The following DPP4 variants were observed in gnomAD, a reference collection of about 807,000 sequenced individuals.
DPP4 encodes ADCP-2.
A neutral mutation model predicts 122.4 loss-of-function variants in DPP4; 93 were observed. The ratio of observed to expected loss-of-function variants is 0.76; its 90% CI spans 0.64 to 0.90. DPP4 has a LOEUF of 0.90. DPP4 is among the 40% of genes least tolerant of loss of function. The pLI, the probability that DPP4 is intolerant of heterozygous loss-of-function variation, is 0.00. For missense variants in DPP4, 914 were observed against 907.3 expected, an observed-to-expected ratio of 1.01 and a Z score of -0.09; for synonymous variants, 321 against 302.9, an observed-to-expected ratio of 1.06 and a Z score of -0.62.
At chr2:162,016,890 G>T in intron 17 of DPP4, 24 bp from the exon 18 acceptor site, 1 of 1,586,734 alleles carries the variant, frequency 6.3e-7, no homozygotes, top group Non-Finnish European at 8.6e-7. Context: ...GGAGACAGCA[G>T]TCATTCATTA....
intron 2 of DPP4, among the ~76,000 whole-genome samples, chr2:162,050,813 G>A (rs572177059): frequency 2.0e-5 from 3 of 152,324 alleles, no homozygotes; most frequent in Non-Finnish European, 2.9e-5. Context: ...TGGCTGCCAA[G>A]TTACAACCTA....
intron 20 of DPP4, among the ~76,000 whole-genome samples, chr2:162,010,792 TCAGGAATCC>T (rs1682675415): frequency 6.6e-6 from 1 of 152,184 alleles, no homozygotes; most frequent in Non-Finnish European, 1.5e-5. Context: ...ATTTCTTTCC[TCAGGAATCC>T]TTAATCAATT....
At chr2:162,001,499 C>T (rs1160395695) in intron 23 of DPP4, among the ~76,000 whole-genome samples, 2 of 152,202 alleles carry the variant, frequency 1.3e-5, no homozygotes, top group Non-Finnish European at 2.9e-5. Context: ...TTATTACCTA[C>T]TCTCTTTTAT....
intron 2 of DPP4, among the ~76,000 whole-genome samples, chr2:162,051,100 T>G (rs1266026804): frequency 6.6e-6 from 1 of 152,218 alleles, no homozygotes; most frequent in Admixed American, 6.5e-5. Context: ...ATACTTTTCT[T>G]CTTTAGCTAA....
At chr2:162,020,326 A>C in intron 13 of DPP4, 30 bp from the exon 14 acceptor site, 1 of 1,478,422 alleles carries the variant, frequency 6.8e-7, no homozygotes, top group Non-Finnish European at 9.2e-7. Flanking sequence ...TTCAAAAAAA[A>C]AAAAAAGATT....
chr2:162,058,599 A>T (rs989756761), intron 2 of DPP4, among the ~76,000 whole-genome samples: 2 of 152,246 alleles, frequency 1.3e-5, no homozygotes, highest in African/African-American at 4.8e-5. Flanking sequence ...CAAGTTAGAC[A>T]TTATAACGAA....
Position 162,016,790 on chromosome 2 carries a change from G to C in DPP4, c.1545C>G (p.Asp515Glu). The change falls in exon 18 of 26, where the codon GAC (aspartate) becomes GAG (glutamate). Residue 515 changes from aspartate to glutamate, a missense_variant. Physicochemically the swap from Asp to Glu is conservative, Grantham distance 45. Transcript: ENST00000360534. ...QNVQMPSKKL[D>E]FIILNETKFW... ...TACTTGTTTCATTCAAAATAATGAA[G>C]TCCAGTTTTTTGGAGGGCATCTGGA... is the stretch of plus-strand genomic sequence containing the variant. 6.2e-7 allele frequency: 1 copy of C among 1,612,314 alleles called. No homozygotes were observed. Among genetic ancestry groups the C allele is most frequent in the South Asian group, 1.1e-5 (1 of 90,476 alleles).
intron 25 of DPP4, among the ~76,000 whole-genome samples, chr2:161,994,159 T>C (rs1294067996): frequency 6.6e-6 from 1 of 152,216 alleles, no homozygotes; most frequent in Non-Finnish European, 1.5e-5. Context: ...ATTTGTCTTT[T>C]CTTTGAATAG....
Position 162,060,422 on chromosome 2 carries a change from A to G in DPP4, c.95-12921T>C, listed in dbSNP as rs73971563. ...CTAGAAAGGAAGTTTTACCATCTCTATTCTCTTTTCCATGGGAATACCCAA... is the reference window on the plus strand; with the variant it reads ...CTAGAAAGGAAGTTTTACCATCTCTGTTCTCTTTTCCATGGGAATACCCAA... On this transcript the variant is annotated intron_variant, in intron 2 of 25. Transcript: ENST00000360534. Among the ~76,000 whole-genome samples the G allele has an allele frequency of 1.8e-3, 267 of 152,186 alleles. 2 individuals are homozygous for G. Among genetic ancestry groups the G allele is most frequent in the African/African-American group, 6.0e-3 (247 of 41,506 alleles).
intron 2 of DPP4, among the ~76,000 whole-genome samples, chr2:162,070,905 C>T (rs889553374): frequency 5.3e-5 from 8 of 152,270 alleles, no homozygotes; most frequent in African/African-American, 1.7e-4. Flanking sequence ...CATGAAACAA[C>T]ATCTCCACCT....
At chr2:162,038,595 G>A (rs1236718920) in intron 7 of DPP4, among the ~76,000 whole-genome samples, 173 bp from the exon 8 acceptor site, 1 of 152,082 alleles carries the variant, frequency 6.6e-6, no homozygotes, top group Non-Finnish European at 1.5e-5. Context: ...CAAGTGTACA[G>A]CCTATAATCC....
intron 22 of DPP4, among the ~76,000 whole-genome samples, chr2:162,006,101 C>T (rs551686406): frequency 5.3e-5 from 8 of 152,306 alleles, no homozygotes; most frequent in Non-Finnish European, 1.0e-4. Flanking sequence ...TTTTCCCTTA[C>T]GATGGGGCAA....
chr2:162,074,196 C>T lies in DPP4; in HGVS notation c.-215G>A. ...GCAGGGCAGGCGGCGCGGGAGCAGG[C>T]GCGCGTGGCGCGGGGCACTGGCATC... On this transcript the variant is annotated 5_prime_UTR_variant, in exon 1 of 26. Coordinates refer to ENST00000360534, the MANE Select transcript of DPP4 (RefSeq NM_001935.4). The T allele has an allele frequency of 8.1e-7, 1 of 1,231,602 alleles. No homozygotes were observed. Among genetic ancestry groups the T allele is most frequent in the African/African-American group, 1.6e-5 (1 of 63,852 alleles). 76.3% of individuals were successfully genotyped at this position (1,231,602 alleles called of 1,614,324 possible). A position where few individuals can be genotyped will look rare whatever the true frequency, so the allele number is the denominator to read the frequency against.
chr2:162,022,796 G>A lies in DPP4; in HGVS notation c.1027C>T (p.Arg343Trp), dbSNP rs148403324. 125 of 1,613,814 alleles carry A rather than the reference G, an allele frequency of 7.7e-5. 1 individual carries two copies. Among genetic ancestry groups the A allele is most frequent in the Middle Eastern group, 4.9e-4 (3 of 6,082 alleles). Residue 343 changes from arginine (R) to tryptophan (W), a missense_variant, in exon 12 of 26, where the codon CGG becomes TGG. Arg to Trp is a moderately radical substitution (Grantham distance 101). Coordinates refer to ENST00000360534, the MANE Select transcript of DPP4 (RefSeq NM_001935.4). Reference sequence around the variant, plus strand: ...GTAGTACTCATTTCAATGTGTTGCCGTGCCTAGGAAGGGAAAGAGACAATG... The same window carrying A: ...GTAGTACTCATTTCAATGTGTTGCCATGCCTAGGAAGGGAAAGAGACAATG... Reference protein sequence around the residue: ...SSGRWNCLVARQHIEMSTTGW... With the variant: ...SSGRWNCLVAWQHIEMSTTGW...
chr2:161,997,597 T>G (rs1363490326), intron 23 of DPP4, among the ~76,000 whole-genome samples: 4 of 152,200 alleles, frequency 2.6e-5, no homozygotes, highest in Non-Finnish European at 5.9e-5. Context: ...ATATGCTCAT[T>G]CTGAAATGTA....
rs1366740677 is a variant in DPP4, at chr2:162,022,798, GC to G, written c.1024del (p.Ala342HisfsTer7). On this transcript the variant is annotated frameshift_variant and splice_region_variant, in exon 12 of 26. Transcript: ENST00000360534. LOFTEE classifies it high-confidence loss of function. ...AGTACTCATTTCAATGTGTTGCCGT[GC>G]CTAGGAAGGGAAAGAGACAATGACA... ...ESSGRWNCLV[A>X]RQHIEMSTTG... 1.2e-6 allele frequency: 2 copies of G among 1,613,832 alleles called. No homozygotes were observed. The highest frequency in any genetic ancestry group is 2.7e-5 in the African/African-American group (2 of 74,898).
chr2:162,014,449 C>T lies in DPP4; in HGVS notation c.1584G>A (p.Met528Ile). Residue 528 changes from methionine (M) to isoleucine (I), a missense_variant, in exon 19 of 26, where the codon ATG becomes ATA. Coordinates refer to ENST00000360534, the MANE Select transcript of DPP4 (RefSeq NM_001935.4). ...ILNETKFWYQ[M>I]ILPPHFDKSK... is the part of the protein sequence containing the mutation. ...ATTTATCAAAATGAGGAGGCAAGAT[C>T]ATCTGATACCAAAATTCTAAACAAA... is the stretch of plus-strand genomic sequence containing the variant. 1 of 1,606,600 alleles carries T rather than the reference C, an allele frequency of 6.2e-7. No homozygotes were observed.
At chr2:162,012,424 G>C (rs140373387) in intron 19 of DPP4, among the ~76,000 whole-genome samples, 466 of 152,140 alleles carry the variant, frequency 3.1e-3, no homozygotes, top group Non-Finnish European at 5.3e-3. Flanking sequence ...TAAGGACTTT[G>C]ACTTCTGCAT....
At chr2:162,041,596 G>T (rs1406307153) in intron 5 of DPP4, among the ~76,000 whole-genome samples, 2 of 151,970 alleles carry the variant, frequency 1.3e-5, no homozygotes, top group African/African-American at 2.4e-5. Flanking sequence ...TTGAATCCTG[G>T]ATTATTTTGA....
Sources: gnomAD v4.1 joint callset for allele counts (sites outside exome capture counted in the v4.1 genomes callset) on GRCh38, gnomAD v4.1.1 for gene constraint, MANE v1.5 for transcripts, NCBI Gene and HGNC (gene_info 2026-07-23, HGNC 2026-07-21) for gene names.